ZFHX3: variants seen among roughly 807,000 people sequenced by gnomAD.
ZFHX3 encodes the protein zinc finger homeobox 3.
Under a neutral mutation model 279.1 loss-of-function variants are expected in ZFHX3, and 42 were observed. That is an observed-to-expected ratio of 0.15 (90% confidence interval 0.12 to 0.19). The LOEUF (loss-of-function observed/expected upper bound fraction) is 0.19, where lower values mean the gene tolerates loss of function less well. ZFHX3 is among the 10% of genes least tolerant of loss of function. The probability of loss-of-function intolerance (pLI) is 1.00; values close to 1 mark genes in which losing one functional copy is unlikely to be tolerated. For missense variants in ZFHX3, 4,981 were observed against 4,754.0 expected, an observed-to-expected ratio of 1.05 and a Z score of -1.40; for synonymous variants, 2,293 against 1,957.8, an observed-to-expected ratio of 1.17 and a Z score of -4.52.
chr16:73,169,601 G>T (rs1223923806), intron 5 of ZFHX3, among the ~76,000 whole-genome samples: 1 of 151,914 alleles, frequency 6.6e-6, no homozygotes, highest in Non-Finnish European at 1.5e-5. Flanking sequence ...AGAGGTTGCA[G>T]TGAGCCAAGA....
intron 2 of ZFHX3, among the ~76,000 whole-genome samples, chr16:73,555,038 C>T (rs2020254695): frequency 6.6e-6 from 1 of 152,154 alleles, no homozygotes; most frequent in Non-Finnish European, 1.5e-5. Flanking sequence ...AATTTCTTTC[C>T]CTATTCCCTT....
rs899153629 is a variant in ZFHX3, at chr16:73,158,035, G to A, written c.-1103-14204C>T. Among the ~76,000 whole-genome samples, 29 of 152,244 alleles carry A rather than the reference G, an allele frequency of 1.9e-4. 1 individual carries two copies. The highest frequency in any genetic ancestry group is 1.3e-3 in the Admixed American group (20 of 15,290). ...GAAAAAAAAAATGAGACAGGAAAGG[G>A]AGGGTCACATTTTTGGAGGAAATCA... On this transcript the variant is annotated intron_variant, in intron 5 of 17. Coordinates refer to the ZFHX3 transcript ENST00000641206.
chr16:73,275,989 G>C (rs193007741), intron 4 of ZFHX3, among the ~76,000 whole-genome samples: 12 of 152,056 alleles, frequency 7.9e-5, no homozygotes, highest in African/African-American at 2.9e-4. Flanking sequence ...AGTGATGGGG[G>C]GGGACAGGGA....
At chr16:73,404,768 A>G (rs756240080) in intron 3 of ZFHX3, among the ~76,000 whole-genome samples, 6 of 152,224 alleles carry the variant, frequency 3.9e-5, no homozygotes, top group Non-Finnish European at 5.9e-5. Context: ...CTGAGTCCAC[A>G]GCCATGCTCT....
intron 3 of ZFHX3, among the ~76,000 whole-genome samples, chr16:73,339,618 T>A (rs2015989852): frequency 6.6e-6 from 1 of 152,106 alleles, no homozygotes; most frequent in African/African-American, 2.4e-5. Flanking sequence ...GGAGAGAAAA[T>A]TCACTGGGCT....
Position 73,751,054 on chromosome 16 carries a change from T to C in ZFHX3, c.-1607-70814A>G, listed in dbSNP as rs780935952. 1.1e-3 allele frequency among the ~76,000 whole-genome samples: 169 copies of C among 152,316 alleles called. 2 individuals are homozygous for C. Among genetic ancestry groups the C allele is most frequent in the Middle Eastern group, 3.4e-3 (1 of 294 alleles). On this transcript the variant is annotated intron_variant, in intron 1 of 17. Transcript: ENST00000641206. ...CTCAATAGAAAGGCAGTATTTTGCA[T>C]CCATTTAATTGAAGTGTGGTGACTC... is the stretch of plus-strand genomic sequence containing the variant.
chr16:73,511,259 C>T (rs2019423604), intron 2 of ZFHX3, among the ~76,000 whole-genome samples: 2 of 152,320 alleles, frequency 1.3e-5, no homozygotes, highest in Admixed American at 1.3e-4. Context: ...CTCAACAATC[C>T]ACCCTGGCAC....
chr16:73,338,260 G>T (rs975717816), intron 3 of ZFHX3, among the ~76,000 whole-genome samples: 1 of 152,032 alleles, frequency 6.6e-6, no homozygotes, highest in South Asian at 2.1e-4. Context: ...AAGGAGTCTT[G>T]TCACCCACTG....
rs9934771 is a variant in ZFHX3 at position 73,872,108 on chromosome 16, C to G, written c.-1608+19543G>C. The stretch of plus-strand genomic sequence containing the variant: ...GGAATGTGAACCCTAATTAGTGACC[C>G]AATAATCTCGAAAGCCAATAGGCAT... On this transcript the variant is annotated intron_variant, in intron 1 of 17. Transcript: ENST00000641206. Among the ~76,000 whole-genome samples, 883 of 152,244 alleles carry G rather than the reference C, an allele frequency of 5.8e-3. 10 individuals carry two copies. The highest frequency in any genetic ancestry group is 0.02 in the African/African-American group (840 of 41,538).
chr16:73,882,636 G>T (rs2030208197), intron 1 of ZFHX3, among the ~76,000 whole-genome samples: 1 of 151,922 alleles, frequency 6.6e-6, no homozygotes, highest in African/African-American at 2.4e-5. Flanking sequence ...TAGAGCCAGG[G>T]TCTGGAAATT....
chr16:73,072,444 C>CA (rs71156138), intron 8 of ZFHX3, among the ~76,000 whole-genome samples: 6 of 97,734 alleles, frequency 6.1e-5, no homozygotes, highest in East Asian at 2.9e-4. Flanking sequence ...AACTCCGTCT[C>CA]AAAAAAAAAA....
chr16:73,060,088 C>T (rs903705978), upstream of ZFHX3, among the ~76,000 whole-genome samples: 1 of 151,860 alleles, frequency 6.6e-6, no homozygotes, highest in Non-Finnish European at 1.5e-5. Context: ...ATTTTGCCAT[C>T]AAAAGCAGGG....
At chr16:73,816,464 T>C (rs1960573979) in intron 1 of ZFHX3, among the ~76,000 whole-genome samples, 1 of 152,216 alleles carries the variant, frequency 6.6e-6, no homozygotes, top group South Asian at 2.1e-4. Context: ...CAGCCACTCA[T>C]TCATTTATGT....
intron 2 of ZFHX3, among the ~76,000 whole-genome samples, chr16:73,672,893 T>C (rs1003318217): frequency 8.5e-5 from 13 of 152,146 alleles, no homozygotes; most frequent in Admixed American, 7.9e-4. Context: ...GATAGATTGT[T>C]TTAAATTTAA....
intron 3 of ZFHX3, among the ~76,000 whole-genome samples, chr16:72,926,786 A>G (rs886376051): frequency 3.3e-5 from 5 of 152,172 alleles, no homozygotes; most frequent in African/African-American, 9.7e-5. Context: ...GCAGAGACCA[A>G]TGTTTCTACT....
chr16:73,494,854 C>T (rs975109517), intron 2 of ZFHX3, among the ~76,000 whole-genome samples: 4 of 152,096 alleles, frequency 2.6e-5, no homozygotes, highest in Non-Finnish European at 4.4e-5. Context: ...AGGTGTGAGC[C>T]TCTGCGCCCG....
At chr16:73,248,240 G>C (rs62654026) in intron 5 of ZFHX3, among the ~76,000 whole-genome samples, 151,725 of 151,746 alleles carry the variant, frequency 1, 75,852 homozygotes, top group Middle Eastern at 1. Flanking sequence ...TGCAATATGT[G>C]TGTGTGTTTA....
At chr16:73,881,678 A>ATG (rs72397861) in intron 1 of ZFHX3, among the ~76,000 whole-genome samples, 9 of 151,084 alleles carry the variant, frequency 6.0e-5, no homozygotes, top group South Asian at 2.1e-4. Flanking sequence ...TTGGTGCTAT[A>ATG]TGTGTGTGTG....
chr16:73,296,069 CGTGTGTGTGTGT>C (rs58283675), intron 4 of ZFHX3, among the ~76,000 whole-genome samples: 13 of 148,974 alleles, frequency 8.7e-5, no homozygotes, highest in African/African-American at 2.7e-4. Flanking sequence ...ATTACAATCC[CGTGTGTGTGTGT>C]GTGTGTGTGT....
Sources: allele counts gnomAD v4.1 joint callset (sites outside exome capture counted in the v4.1 genomes callset), GRCh38; gene constraint gnomAD v4.1.1; transcripts MANE v1.5; gene names NCBI Gene and HGNC (gene_info 2026-07-23, HGNC 2026-07-21).